Variants in LRRIQ3 observed in about 807,000 individuals in gnomAD.
The protein encoded by LRRIQ3 is leucine rich repeats and IQ motif containing 3.
Under a neutral mutation model 59.3 loss-of-function variants are expected in LRRIQ3, and 75 were observed. That is an observed-to-expected ratio of 1.26 (90% CI 1.05 to 1.53). LRRIQ3 has a LOEUF of 1.53. Among genes scored for constraint, LRRIQ3 ranks in the 40% most tolerant of loss-of-function variants. The pLI is 0.00. For synonymous variants in LRRIQ3, 250 were observed against 231.3 expected, an observed-to-expected ratio of 1.08 and a Z score of -0.73; for missense variants, 831 against 710.0, an observed-to-expected ratio of 1.17 and a Z score of -1.94.
intron 7 of LRRIQ3, among the ~76,000 whole-genome samples, chr1:74,031,984 G>C (rs1653733127): frequency 6.6e-6 from 1 of 151,732 alleles, no homozygotes; most frequent in Non-Finnish European, 1.5e-5. Flanking sequence ...AATTTAAAAA[G>C]ATCTAAATTA....
At chr1:74,121,090 T>A (rs1020648941) in intron 4 of LRRIQ3, among the ~76,000 whole-genome samples, 2 of 152,168 alleles carry the variant, frequency 1.3e-5, no homozygotes, top group African/African-American at 4.8e-5. Context: ...CAGGAATAAT[T>A]TAAACAATAT....
chr1:74,132,645 G>A (rs1012814859), intron 4 of LRRIQ3, among the ~76,000 whole-genome samples: 1 of 152,042 alleles, frequency 6.6e-6, no homozygotes, highest in Non-Finnish European at 1.5e-5. Context: ...TGGTGCTGGG[G>A]AAACTGGCTA....
At chr1:74,128,270 G>A (rs1219785644) in intron 4 of LRRIQ3, among the ~76,000 whole-genome samples, 1 of 151,910 alleles carries the variant, frequency 6.6e-6, no homozygotes, top group African/African-American at 2.4e-5. Flanking sequence ...CTCTAGGTTT[G>A]GGAAGTTCTC....
chr1:74,047,672 T>A (rs1338815837), intron 6 of LRRIQ3, among the ~76,000 whole-genome samples: 1 of 152,074 alleles, frequency 6.6e-6, no homozygotes, highest in African/African-American at 2.4e-5. Context: ...GAAGGCACCA[T>A]GTATAAACCA....
chr1:74,087,288 C>A (rs1646336185), intron 5 of LRRIQ3, among the ~76,000 whole-genome samples: 1 of 151,184 alleles, frequency 6.6e-6, no homozygotes, highest in Non-Finnish European at 1.5e-5. Context: ...ATTTGCCAAG[C>A]TAATTCTCAC....
intron 6 of LRRIQ3, among the ~76,000 whole-genome samples, chr1:74,042,159 C>T (rs1255712091): frequency 1.3e-5 from 2 of 152,102 alleles, no homozygotes; most frequent in Non-Finnish European, 2.9e-5. Context: ...CTTATATTTT[C>T]TGTATTATCT....
rs186507563 is a variant in LRRIQ3 at position 74,167,548 on chromosome 1, T to C, written c.574-11682A>G. ...AAATAAAAATTAAAAAATACGACAC[T>C]CTAAACTTCCACATATTTTTTTTTA... is the stretch of plus-strand genomic sequence containing the variant. On this transcript the variant is annotated intron_variant, in intron 3 of 7. Coordinates refer to ENST00000354431, the MANE Select transcript of LRRIQ3 (RefSeq NM_001105659.2). Among the ~76,000 whole-genome samples, 41 of 151,472 alleles carry C rather than the reference T, an allele frequency of 2.7e-4. 1 individual carries two copies. The East Asian group carries it at 7.2e-3, about 27-fold the overall frequency.
At chr1:74,144,977 T>C (rs1187347769) in intron 4 of LRRIQ3, among the ~76,000 whole-genome samples, 2 of 151,966 alleles carry the variant, frequency 1.3e-5, no homozygotes, top group African/African-American at 2.4e-5. Context: ...TACAGAAATA[T>C]TATAGAGACC....
intron 5 of LRRIQ3, among the ~76,000 whole-genome samples, chr1:74,077,457 C>G (rs951249285): frequency 6.6e-6 from 1 of 151,476 alleles, no homozygotes; most frequent in Non-Finnish European, 1.5e-5. Context: ...ACAAGAACCC[C>G]CCCCAAAAAA....
chr1:74,161,915 T>C (rs1648684649), intron 3 of LRRIQ3, among the ~76,000 whole-genome samples: 1 of 151,672 alleles, frequency 6.6e-6, no homozygotes, highest in Non-Finnish European at 1.5e-5. Context: ...GATGAAGGAA[T>C]CCTCTTTGTA....
At position 74,165,344 on chromosome 1, in the gene LRRIQ3, C is replaced by A. The variant is rs891749693; in HGVS notation, c.574-9478G>T. Among the ~76,000 whole-genome samples the A allele has an allele frequency of 3.3e-5, 5 of 151,632 alleles. No homozygotes were observed. In the South Asian group the frequency reaches 1.0e-3, roughly 31 times the overall value. On this transcript the variant is annotated intron_variant, in intron 3 of 7. Transcript: ENST00000354431. Reference sequence around the variant, plus strand: ...TGTTAGATTTATATATTAAGTATTTCATTTCTTTGAATGATGATAAATTGT... The same window carrying A: ...TGTTAGATTTATATATTAAGTATTTAATTTCTTTGAATGATGATAAATTGT...
rs1159482243 is a variant in LRRIQ3, at chr1:74,129,961, G to GC, written c.708-20409dup. Among the ~76,000 whole-genome samples the GC allele has an allele frequency of 6.0e-5, 9 of 149,802 alleles. No individual in the cohort carries two copies. In the East Asian group the frequency reaches 7.8e-4, roughly 13 times the overall value. ...CTGTGGGTGAACATGTATCAAAGTT[G>GC]CCCCCCCACCAAAAAAAAGTCCTCC... On this transcript the variant is annotated intron_variant, in intron 4 of 7. Coordinates refer to ENST00000354431, the MANE Select transcript of LRRIQ3 (RefSeq NM_001105659.2).
In LRRIQ3 at chr1:74,026,968, A is replaced by T. The variant is rs568368491; in HGVS notation, c.1720T>A (p.Ser574Thr). 13 of 1,517,772 alleles carry T rather than the reference A, an allele frequency of 8.6e-6. No individual in the cohort carries two copies. The highest frequency in any genetic ancestry group is 4.2e-5 in the African/African-American group (3 of 71,616). 94.0% of individuals were successfully genotyped at this position (1,517,772 alleles called of 1,614,324 possible). Residue 574 changes from serine (S) to threonine (T), a missense_variant and splice_region_variant, in exon 8 of 8, where the codon TCT becomes ACT. Physicochemically the swap from Ser to Thr is moderately conservative, Grantham distance 58. Transcript: ENST00000354431. Reference protein sequence around the residue: ...NLLKEMKKVRSQEIYKRHCEE... With the variant: ...NLLKEMKKVRTQEIYKRHCEE... ...CAATGTCTTTTATATATTTCTTGAG[A>T]TCTAAGAGGAGAAAGAAAGGTAATA... is the stretch of plus-strand genomic sequence containing the variant.
At chr1:74,194,450 A>T (rs922849635) in intron 1 of LRRIQ3, among the ~76,000 whole-genome samples, 3 of 152,222 alleles carry the variant, frequency 2.0e-5, no homozygotes, top group Non-Finnish European at 2.9e-5. Context: ...ATGAAAAGTC[A>T]TTCAGAACAA....
intron 1 of LRRIQ3, among the ~76,000 whole-genome samples, chr1:74,192,500 T>C (rs530828893): frequency 5.9e-5 from 9 of 152,216 alleles, no homozygotes; most frequent in South Asian, 2.1e-4. Flanking sequence ...GTTTCATATG[T>C]ATTCAATATT....
At chr1:74,126,938 G>T (rs1427729088) in intron 4 of LRRIQ3, among the ~76,000 whole-genome samples, 1 of 151,878 alleles carries the variant, frequency 6.6e-6, no homozygotes, top group African/African-American at 2.4e-5. Flanking sequence ...CTCCAATACT[G>T]AAAGTGGGGT....
chr1:74,037,816 C>T (rs1038321678), intron 7 of LRRIQ3, among the ~76,000 whole-genome samples: 1 of 152,158 alleles, frequency 6.6e-6, no homozygotes, highest in African/African-American at 2.4e-5. Context: ...TGCTACCCAG[C>T]CTAGGAAACC....
At chr1:74,104,178 C>A (rs1646576080) in intron 5 of LRRIQ3, among the ~76,000 whole-genome samples, 1 of 151,946 alleles carries the variant, frequency 6.6e-6, no homozygotes, top group South Asian at 2.1e-4. Context: ...CCACTACCAA[C>A]CTATTAGAAT....
At chr1:74,147,186 A>G (rs879481395) in intron 4 of LRRIQ3, among the ~76,000 whole-genome samples, 5 of 152,160 alleles carry the variant, frequency 3.3e-5, no homozygotes, top group Non-Finnish European at 7.4e-5. Flanking sequence ...CTTAGATAAC[A>G]CCACTGCAGT....
Sources: gnomAD v4.1 joint callset for allele counts (sites outside exome capture counted in the v4.1 genomes callset) on GRCh38, gnomAD v4.1.1 for gene constraint, MANE v1.5 for transcripts, NCBI Gene and HGNC (gene_info 2026-07-23, HGNC 2026-07-21) for gene names.